Variants in KAZN observed in about 807,000 individuals in gnomAD.
KAZN encodes the protein kazrin, periplakin interacting protein.
In KAZN, 40 loss-of-function variants were observed where a neutral mutation model predicts 87.4. The observed-to-expected ratio is 0.46, with a 90% confidence interval of 0.36 to 0.60. The LOEUF (loss-of-function observed/expected upper bound fraction) is 0.60. Among genes scored for constraint, KAZN ranks in the 20% least tolerant of loss-of-function variants. The pLI is 0.00. For missense variants in KAZN, 898 were observed against 1,073.9 expected (o/e 0.84, Z 2.29); for synonymous variants, 466 against 458.3 (o/e 1.02, Z -0.22).
At chr1:14,254,348 C>G (rs968374169) in intron 2 of KAZN, among the ~76,000 whole-genome samples, 3 of 152,170 alleles carry the variant, frequency 2.0e-5, no homozygotes, top group African/African-American at 7.2e-5. Flanking sequence ...GAGAGAAGCT[C>G]CCTAGGGATC....
At chr1:14,692,320 C>G (rs1641364150) in intron 1 of KAZN, 2 of 468,908 alleles carry the variant, frequency 4.3e-6, no homozygotes, top group Non-Finnish European at 7.4e-6. Context: ...TAATTTTCAC[C>G]ATCTTCGGCT....
intron 2 of KAZN, among the ~76,000 whole-genome samples, chr1:15,001,870 C>CTTT (rs34948148): frequency 0.013 from 723 of 57,778 alleles, 78 homozygotes; most frequent in African/African-American, 0.061. Context: ...AAGTCAAAAT[C>CTTT]TTTTTTTTTT....
At chr1:14,957,946 C>A (rs1663348378) in intron 1 of KAZN, among the ~76,000 whole-genome samples, 1 of 152,176 alleles carries the variant, frequency 6.6e-6, no homozygotes, top group Non-Finnish European at 1.5e-5. Context: ...CCCTGGGAGG[C>A]CTCCTCTCCT....
intron 2 of KAZN, among the ~76,000 whole-genome samples, chr1:14,479,928 C>T (rs1238867702): frequency 1.3e-5 from 2 of 152,172 alleles, no homozygotes; most frequent in Non-Finnish European, 2.9e-5. Context: ...GACACATAAA[C>T]CAAGTGTCCA....
intron 1 of KAZN, among the ~76,000 whole-genome samples, chr1:14,026,811 C>G (rs1009494608): frequency 1.3e-5 from 2 of 152,094 alleles, no homozygotes; most frequent in Non-Finnish European, 2.9e-5. Flanking sequence ...AGGAGGGAAG[C>G]AGATGAAGGA....
intron 2 of KAZN, among the ~76,000 whole-genome samples, chr1:14,515,104 G>A (rs1332122439): frequency 6.6e-6 from 1 of 152,062 alleles, no homozygotes; most frequent in Non-Finnish European, 1.5e-5. Context: ...TTAGAAGACA[G>A]ATTTTTCCCT....
rs1557586164 is a variant in KAZN, at chr1:14,883,344, A to AGAGAGAGAGAGAG, written c.227-77340_227-77339insGAGAGAGAGAGAG. Reference sequence around the variant, plus strand: ...AGAGAGAGAGAGAGAGAGAGAGAGAAAGAAAGAAAGAAAAGAAAGAAAGAA... The same window carrying AGAGAGAGAGAGAG: ...AGAGAGAGAGAGAGAGAGAGAGAGAAGAGAGAGAGAGAGAGAAAGAAAGAAAAGAAAGAAAGAA... On this transcript the variant is annotated intron_variant, in intron 1 of 14. Coordinates refer to ENST00000376030, the MANE Select transcript of KAZN (RefSeq NM_201628.3). Among the ~76,000 whole-genome samples the AGAGAGAGAGAGAG allele has an allele frequency of 3.3e-3, 98 of 29,668 alleles. 20 individuals are homozygous for AGAGAGAGAGAGAG. The highest frequency in any genetic ancestry group is 0.033 in the Middle Eastern group (2 of 60). 19.5% of individuals were successfully genotyped at this position (29,668 alleles called of 152,430 possible).
intron 1 of KAZN, among the ~76,000 whole-genome samples, chr1:14,788,853 T>C (rs527887354): frequency 1.8e-4 from 28 of 152,278 alleles, no homozygotes; most frequent in Admixed American, 1.6e-3. Flanking sequence ...CTGAGGCATG[T>C]GGACAGCCAC....
intron 1 of KAZN, among the ~76,000 whole-genome samples, chr1:13,934,257 T>G (rs1052325318): frequency 5.3e-5 from 8 of 152,206 alleles, no homozygotes; most frequent in Non-Finnish European, 1.0e-4. Flanking sequence ...AAGGACAAAG[T>G]GTGCCTCAGA....
At chr1:14,726,543 C>G (rs1212675223) in intron 1 of KAZN, among the ~76,000 whole-genome samples, 1 of 152,192 alleles carries the variant, frequency 6.6e-6, no homozygotes, top group Non-Finnish European at 1.5e-5. Flanking sequence ...CCTCGAGTGT[C>G]TGTGGGCTGG....
chr1:14,632,128 T>G (rs995480329), intron 1 of KAZN, among the ~76,000 whole-genome samples: 112 of 152,206 alleles, frequency 7.4e-4, no homozygotes, highest in Non-Finnish European at 1.3e-3. Flanking sequence ...TAATTCTCAT[T>G]TTCCCCTTAT....
chr1:14,058,917 A>G (rs1003301959), intron 1 of KAZN, among the ~76,000 whole-genome samples: 1 of 152,188 alleles, frequency 6.6e-6, no homozygotes, highest in Non-Finnish European at 1.5e-5. Context: ...TGGCATATTC[A>G]AAGAACTGGG....
At chr1:15,111,896 T>C (rs1267833872) in intron 13 of KAZN, 2 of 154,234 alleles carry the variant, frequency 1.3e-5, no homozygotes, top group African/African-American at 4.8e-5. Context: ...GGCCAAATCC[T>C]AACAGAAGCT....
At chr1:14,924,072 G>A (rs1353213382) in intron 1 of KAZN, 1 of 940,650 alleles carries the variant, frequency 1.1e-6, no homozygotes. Flanking sequence ...GCGGGGGCGG[G>A]GCGAGCCTCG....
At position 14,599,147 on chromosome 1, in the gene KAZN, G is replaced by A. The variant is rs1167035967; in HGVS notation, c.150G>A (p.Pro50=). The change falls in exon 1 of 15, where the codon CCG becomes CCA. Residue 50 remains proline (P), a synonymous_variant. Transcript: ENST00000376030. This position sits in a 1 kb window ranked among gnomAD's most constrained non-coding sequence, Gnocchi z 4.4. ...LSGGGGPGPG[P]GAAASASAAG... ...GCGGCGGCGGCCCCGGCCCGGGCCC[G>A]GGAGCCGCGGCCAGCGCCTCGGCGG... 3 of 1,422,142 alleles carry A rather than the reference G, an allele frequency of 2.1e-6. No individual in the cohort carries two copies. Among genetic ancestry groups the A allele is most frequent in the African/African-American group, 1.5e-5 (1 of 66,828 alleles). 88.1% of individuals were successfully genotyped at this position (1,422,142 alleles called of 1,614,324 possible).
chr1:14,100,070 G>C (rs141682162), intron 1 of KAZN, among the ~76,000 whole-genome samples: 2 of 152,126 alleles, frequency 1.3e-5, no homozygotes, highest in African/African-American at 4.8e-5. Flanking sequence ...CACAGTAATA[G>C]TCATGATTAC....
At chr1:14,418,203 A>G (rs1664990870) in intron 2 of KAZN, among the ~76,000 whole-genome samples, 1 of 151,878 alleles carries the variant, frequency 6.6e-6, no homozygotes, top group Non-Finnish European at 1.5e-5. Flanking sequence ...TGTTGATGAG[A>G]TATTAGGAGC....
chr1:13,960,290 A>G (rs1641701283), intron 1 of KAZN, among the ~76,000 whole-genome samples: 1 of 152,214 alleles, frequency 6.6e-6, no homozygotes, highest in South Asian at 2.1e-4. Flanking sequence ...TAGAAGGGGA[A>G]ACTGAGGCAG....
intron 1 of KAZN, among the ~76,000 whole-genome samples, chr1:14,646,218 T>C (rs781104525): frequency 6.6e-6 from 1 of 152,162 alleles, no homozygotes; most frequent in Non-Finnish European, 1.5e-5. Context: ...CATGGATTTA[T>C]ACATCTCAAA....
Sources: gnomAD v4.1 joint callset for allele counts (sites outside exome capture counted in the v4.1 genomes callset) on GRCh38, gnomAD v4.1.1 for gene constraint, Gnocchi (gnomAD v3.1) non-coding constraint, MANE v1.5 for transcripts, NCBI Gene and HGNC (gene_info 2026-07-23, HGNC 2026-07-21) for gene names.